The following KLHL1 variants were observed in gnomAD, a reference collection of about 807,000 sequenced individuals.
KLHL1 encodes the protein kelch-like protein 1.
A neutral mutation model predicts 77.7 loss-of-function variants in KLHL1; 47 were observed. The ratio of observed to expected loss-of-function variants is 0.60; its 90% CI spans 0.48 to 0.77. The LOEUF is 0.77. Ranked by LOEUF, KLHL1 falls within the 30% of genes least tolerant of loss-of-function variation. The pLI is 0.00. For synonymous variants in KLHL1, 360 were observed against 325.2 expected (o/e 1.11, Z -1.15); for missense variants, 925 against 910.8 (o/e 1.02, Z -0.20).
At chr13:70,054,547 C>A (rs1259096336) in intron 1 of KLHL1, among the ~76,000 whole-genome samples, 1 of 151,882 alleles carries the variant, frequency 6.6e-6, no homozygotes, top group Non-Finnish European at 1.5e-5. Flanking sequence ...CATGAACATT[C>A]TTTTTTATGT....
At chr13:70,099,689 T>A (rs2137452771) in intron 1 of KLHL1, among the ~76,000 whole-genome samples, 1 of 152,080 alleles carries the variant, frequency 6.6e-6, no homozygotes, top group South Asian at 2.1e-4. Flanking sequence ...TACAATAAGC[T>A]TTTTGTCCCA....
intron 1 of KLHL1, among the ~76,000 whole-genome samples, chr13:70,022,173 T>C (rs921793841): frequency 2.0e-5 from 3 of 151,932 alleles, no homozygotes; most frequent in Non-Finnish European, 4.4e-5. Context: ...AAGGTTTGTT[T>C]ATATACTTTT....
intron 7 of KLHL1, among the ~76,000 whole-genome samples, chr13:69,779,376 C>T (rs113728024): frequency 1.5e-4 from 23 of 150,398 alleles, no homozygotes; most frequent in African/African-American, 5.6e-4. Context: ...TCCTCCCCTC[C>T]CCTCTCCTCC....
intron 4 of KLHL1, among the ~76,000 whole-genome samples, chr13:69,886,520 T>G (rs1474864049): frequency 1.3e-5 from 2 of 151,584 alleles, no homozygotes; most frequent in Non-Finnish European, 2.9e-5. Context: ...CTTTTGAAAT[T>G]TTATTAGAAA....
intron 1 of KLHL1, among the ~76,000 whole-genome samples, chr13:70,105,601 T>A (rs1888034648): frequency 6.6e-6 from 1 of 151,394 alleles, no homozygotes; most frequent in African/African-American, 2.4e-5. Context: ...TCCTTTTGAA[T>A]ATATAAGGTG....
intron 1 of KLHL1, among the ~76,000 whole-genome samples, chr13:70,069,837 A>G (rs563468041): frequency 1.9e-4 from 29 of 151,612 alleles, no homozygotes; most frequent in African/African-American, 7.1e-4. Context: ...AAGATGTGGC[A>G]TATGTATAAT....
chr13:69,996,721 A>C (rs942000559), intron 1 of KLHL1, among the ~76,000 whole-genome samples: 1 of 151,992 alleles, frequency 6.6e-6, no homozygotes, highest in Admixed American at 6.6e-5. Context: ...ACACTTTTCC[A>C]TATGTGATAT....
intron 3 of KLHL1, among the ~76,000 whole-genome samples, chr13:69,953,078 G>A (rs1429018986): frequency 1.3e-5 from 2 of 151,196 alleles, no homozygotes. Flanking sequence ...GATTTGCATG[G>A]AAAGTTCTTG....
intron 1 of KLHL1, among the ~76,000 whole-genome samples, chr13:69,978,493 T>A (rs1305052016): frequency 6.7e-6 from 1 of 148,950 alleles, no homozygotes; most frequent in Non-Finnish European, 1.5e-5. Context: ...AGAATATTTT[T>A]TTTTTTTTTT....
At chr13:70,072,065 A>C (rs1355621783) in intron 1 of KLHL1, among the ~76,000 whole-genome samples, 1 of 152,218 alleles carries the variant, frequency 6.6e-6, no homozygotes, top group Non-Finnish European at 1.5e-5. Context: ...CAGACTAACC[A>C]AGATGAAACA....
chr13:70,000,974 T>C (rs1428354741), intron 1 of KLHL1, among the ~76,000 whole-genome samples: 3 of 149,594 alleles, frequency 2.0e-5, no homozygotes, highest in African/African-American at 7.4e-5. Flanking sequence ...AGATCAATGA[T>C]GACAGGAAAG....
At chr13:69,929,465 G>T (rs1469385780) in intron 4 of KLHL1, among the ~76,000 whole-genome samples, 2 of 151,798 alleles carry the variant, frequency 1.3e-5, no homozygotes, top group Non-Finnish European at 2.9e-5. Context: ...GGGTAGCCTA[G>T]ACTTTTGGCC....
intron 8 of KLHL1, among the ~76,000 whole-genome samples, chr13:69,739,470 G>A (rs968171658): frequency 2.6e-5 from 4 of 152,198 alleles, no homozygotes; most frequent in African/African-American, 7.2e-5. Flanking sequence ...GCTGGATAGA[G>A]TCAAGATTCA....
intron 8 of KLHL1, among the ~76,000 whole-genome samples, chr13:69,728,965 T>C (rs1177120157): frequency 6.6e-6 from 1 of 152,112 alleles, no homozygotes; most frequent in East Asian, 1.9e-4. Context: ...TTATAAGATG[T>C]GTTCAGGCAG....
chr13:69,783,939 G>C (rs200244673), intron 7 of KLHL1, among the ~76,000 whole-genome samples: 1 of 151,946 alleles, frequency 6.6e-6, no homozygotes, highest in Admixed American at 6.6e-5. Flanking sequence ...AGAAAGGAAG[G>C]TCGGGTTACC....
At chr13:69,820,723 A>T (rs1463081018) in intron 6 of KLHL1, among the ~76,000 whole-genome samples, 1 of 152,204 alleles carries the variant, frequency 6.6e-6, no homozygotes, top group Non-Finnish European at 1.5e-5. Flanking sequence ...CTCTGCATAC[A>T]TCAAAGAATG....
intron 1 of KLHL1, among the ~76,000 whole-genome samples, chr13:69,983,741 C>G (rs2137302781): frequency 6.6e-6 from 1 of 152,040 alleles, no homozygotes; most frequent in African/African-American, 2.4e-5. Flanking sequence ...GCACTCTAGC[C>G]TTGGTGACAC....
In KLHL1 at chr13:69,933,173, C is replaced by T. The variant is rs567615519; in HGVS notation, c.1014+6867G>A. On this transcript the variant is annotated intron_variant, in intron 4 of 10. Coordinates refer to ENST00000377844, the MANE Select transcript of KLHL1 (RefSeq NM_020866.3). ...CTGAAAGTCAAATTTTGGTAATTTT[C>T]AACTCATCAATTATATATAACTAGT... 2.5e-4 allele frequency among the ~76,000 whole-genome samples: 38 copies of T among 151,928 alleles called. 1 individual carries two copies. In the South Asian group the frequency reaches 7.7e-3, roughly 31 times the overall value.
At position 69,882,307 on chromosome 13, in the gene KLHL1, T is replaced by C; in HGVS notation, c.1203A>G (p.Ile401Met). Reference sequence around the variant, plus strand: ...CCTGTGGTGGAAGCAGTGGCAGTCTTATAAAGGCAAGAAGCATGCTCAGGT... The same window carrying C: ...CCTGTGGTGGAAGCAGTGGCAGTCTCATAAAGGCAAGAAGCATGCTCAGGT... ...CNDLSMLLAFIRLPLLPPQIL... is the reference protein window; with the variant it reads ...CNDLSMLLAFMRLPLLPPQIL... The change falls in exon 5 of 11, where the codon ATA becomes ATG. Residue 401 changes from isoleucine (I) to methionine (M), a missense_variant. Ile to Met is a conservative substitution (Grantham distance 10). Transcript: ENST00000377844. 6.2e-7 allele frequency: 1 copy of C among 1,613,664 alleles called. No individual in the cohort carries two copies. The highest frequency in any genetic ancestry group is 1.7e-5 in the Admixed American group (1 of 60,024).
Sources: allele counts gnomAD v4.1 joint callset (sites outside exome capture counted in the v4.1 genomes callset), GRCh38; gene constraint gnomAD v4.1.1; transcripts MANE v1.5; gene names NCBI Gene and HGNC (gene_info 2026-07-23, HGNC 2026-07-21).